The following PCDHGB5 variants were observed in gnomAD, a reference collection of about 807,000 sequenced individuals.
PCDHGB5 encodes protocadherin gamma-B5.
In PCDHGB5, 48 loss-of-function variants were observed where a neutral mutation model predicts 62.9. The ratio of observed to expected loss-of-function variants is 0.76; its 90% CI spans 0.61 to 0.97. The LOEUF (loss-of-function observed/expected upper bound fraction) is 0.97. Ranked by LOEUF, PCDHGB5 falls within the 50% of genes least tolerant of loss-of-function variation. PCDHGB5 has a pLI of 0.00. For synonymous variants in PCDHGB5, 474 were observed against 511.2 expected, an observed-to-expected ratio of 0.93 and a Z score of 0.98; for missense variants, 1,118 against 1,198.6, an observed-to-expected ratio of 0.93 and a Z score of 0.99.
intron 1 of PCDHGB5, chr5:141,417,768 C>T: frequency 6.9e-7 from 1 of 1,451,358 alleles, no homozygotes; most frequent in Non-Finnish European, 9.1e-7. Context: ...ACCCGGGACT[C>T]CTCCTGTCCT....
intron 1 of PCDHGB5, among the ~76,000 whole-genome samples, chr5:141,454,989 T>C (rs1460420144): frequency 6.6e-6 from 1 of 151,506 alleles, no homozygotes; most frequent in East Asian, 2.0e-4. Context: ...TTAAAAAATA[T>C]TTTTAGTAGA....
intron 3 of PCDHGB5, among the ~76,000 whole-genome samples, chr5:141,505,926 G>A (rs114056147): frequency 0.012 from 1,893 of 152,254 alleles, 12 homozygotes; most frequent in Middle Eastern, 0.034. Context: ...TGGGCCTGGC[G>A]CTTGGAAGCC....
At chr5:141,433,612 G>A (rs1181458593) in intron 1 of PCDHGB5, among the ~76,000 whole-genome samples, 1 of 152,082 alleles carries the variant, frequency 6.6e-6, no homozygotes, top group Non-Finnish European at 1.5e-5. Context: ...GAGGCGGGTG[G>A]ATCACCTGAG....
In PCDHGB5 at chr5:141,487,237, T is replaced by A. The variant is rs1327004790; in HGVS notation, c.2398-7570T>A. 1.2e-6 allele frequency: 2 copies of A among 1,614,122 alleles called. No individual in the cohort carries two copies. The highest frequency in any genetic ancestry group is 1.7e-6 in the Non-Finnish European group (2 of 1,179,980). On this transcript the variant is annotated intron_variant, in intron 1 of 3. Coordinates refer to ENST00000617380, the MANE Select transcript of PCDHGB5 (RefSeq NM_018925.3). This position sits in a 1 kb window ranked among gnomAD's most constrained non-coding sequence, Gnocchi z 5.0. ...CAGCTCCAAGGGAAGGAGAATCTCGTCTAACCCTCTACTTGGCTGTGTCCC... is the reference window on the plus strand; with the variant it reads ...CAGCTCCAAGGGAAGGAGAATCTCGACTAACCCTCTACTTGGCTGTGTCCC...
intron 1 of PCDHGB5, chr5:141,408,072 T>G (rs1047187961): frequency 1.7e-5 from 24 of 1,388,622 alleles, no homozygotes; most frequent in Middle Eastern, 2.6e-4. Flanking sequence ...CGCAGACCTT[T>G]CCCAGCACAG....
intron 1 of PCDHGB5, among the ~76,000 whole-genome samples, chr5:141,465,687 T>C (rs1290838979): frequency 1.3e-5 from 2 of 152,248 alleles, no homozygotes; most frequent in Non-Finnish European, 2.9e-5. Flanking sequence ...TTGACCAGTC[T>C]GCTTTTGCAT....
intron 1 of PCDHGB5, chr5:141,403,476 A>T: frequency 6.2e-7 from 1 of 1,613,972 alleles, no homozygotes; most frequent in Non-Finnish European, 8.5e-7. Flanking sequence ...CTCAGCCCCA[A>T]TCACCACTTC....
intron 3 of PCDHGB5, among the ~76,000 whole-genome samples, chr5:141,506,282 C>G (rs1422321122): frequency 6.6e-6 from 1 of 152,040 alleles, no homozygotes; most frequent in East Asian, 1.9e-4. Flanking sequence ...AACCCTGTCT[C>G]TACTAAAAAT....
rs746159671 is a variant in PCDHGB5, at chr5:141,399,684, G to A, written c.1557G>A (p.Glu519=). The A allele has an allele frequency of 2.4e-5, 38 of 1,613,538 alleles. 1 individual carries two copies. In the South Asian group the frequency reaches 4.2e-4, roughly 18 times the overall value. Residue 519 remains glutamate, a synonymous_variant, in exon 1 of 4, where the codon GAG becomes GAA. Transcript: ENST00000617380. ...VVFAQRAFDY[E]QLRTFELTLQ... is the part of the protein sequence containing the mutation. ...TCGCGCAGCGCGCCTTTGACTACGAGCAGCTGCGCACCTTCGAACTCACAC... is the reference window on the plus strand; with the variant it reads ...TCGCGCAGCGCGCCTTTGACTACGAACAGCTGCGCACCTTCGAACTCACAC...
intron 1 of PCDHGB5, chr5:141,413,019 C>T (rs1056458163): frequency 2.9e-6 from 2 of 683,106 alleles, no homozygotes; most frequent in Non-Finnish European, 4.7e-6. Flanking sequence ...ACTACACAAG[C>T]CCCACAAACC....
rs2099883943 is a variant in PCDHGB5, at chr5:141,511,766, G to A, written c.*593G>A. ...TGGAGGACATGATCACCATCCCCAT[G>A]GTACTGATGCTTGCTGGATTTAGGG... On this transcript the variant is annotated 3_prime_UTR_variant, in exon 4 of 4. Coordinates refer to ENST00000617380, the MANE Select transcript of PCDHGB5 (RefSeq NM_018925.3). 2 of 161,712 alleles carry A rather than the reference G, an allele frequency of 1.2e-5. No homozygotes were observed. Among genetic ancestry groups the A allele is most frequent in the Non-Finnish European group, 2.8e-5 (2 of 72,704 alleles). The allele number at this position is 161,712 out of a possible 1,614,324, so 10.0% of individuals were successfully genotyped here.
Position 141,399,723 on chromosome 5 carries a change from C to T in PCDHGB5, c.1596C>T (p.Asp532=). 1 of 1,613,322 alleles carries T rather than the reference C, an allele frequency of 6.2e-7. No individual in the cohort carries two copies. Among genetic ancestry groups the T allele is most frequent in the Non-Finnish European group, 8.5e-7 (1 of 1,179,880 alleles). The change falls in exon 1 of 4, where the codon GAC becomes GAT. Residue 532 remains aspartate, a synonymous_variant. Coordinates refer to ENST00000617380, the MANE Select transcript of PCDHGB5 (RefSeq NM_018925.3). ...TCGAACTCACACTACAGGCCCGCGA[C>T]CAGGGCTCGCCTGCGCTCAGCGCAA... is the stretch of plus-strand genomic sequence containing the variant. ...RTFELTLQAR[D]QGSPALSANV...
At chr5:141,419,253 A>G in intron 1 of PCDHGB5, 4 of 1,613,990 alleles carry the variant, frequency 2.5e-6, no homozygotes, top group South Asian at 1.1e-5. Flanking sequence ...CCAGAAAACA[A>G]CCAGCCGGGT....
Position 141,491,627 on chromosome 5 carries a change from A to C in PCDHGB5, c.2398-3180A>C. On this transcript the variant is annotated intron_variant, in intron 1 of 3. Transcript: ENST00000617380. The surrounding 1 kb of genome is among the most constrained non-coding windows in gnomAD (Gnocchi z 6.9). ...ACTTTTCTAAGACCCCTCAGCGTTC[A>C]GCAGCCCACAGCTCTGGCGCTGGAG... 6.2e-7 allele frequency: 1 copy of C among 1,613,924 alleles called. No homozygotes were observed. The highest frequency in any genetic ancestry group is 8.5e-7 in the Non-Finnish European group (1 of 1,180,026).
chr5:141,408,249 T>A, intron 1 of PCDHGB5: 1 of 1,589,992 alleles, frequency 6.3e-7, no homozygotes, highest in Non-Finnish European at 8.6e-7. Flanking sequence ...CCGCGGCAGG[T>A]GCTATTTCCT....
rs751905674 is a variant in PCDHGB5, at chr5:141,408,643, C to A, written c.2397+8119C>A. On this transcript the variant is annotated intron_variant, in intron 1 of 3. Coordinates refer to ENST00000617380, the MANE Select transcript of PCDHGB5 (RefSeq NM_018925.3). ...ATTTAGAAATTTTCGAATCTGCATCCGCTGGTACACGACTATCGCTTGACC... is the reference window on the plus strand; with the variant it reads ...ATTTAGAAATTTTCGAATCTGCATCAGCTGGTACACGACTATCGCTTGACC... 13 of 1,613,792 alleles carry A rather than the reference C, an allele frequency of 8.1e-6. No homozygotes were observed. The African/African-American group carries it at 1.6e-4, about 20-fold the overall frequency.
At chr5:141,465,229 A>G (rs1010075158) in intron 1 of PCDHGB5, among the ~76,000 whole-genome samples, 6 of 152,208 alleles carry the variant, frequency 3.9e-5, no homozygotes, top group Non-Finnish European at 2.9e-5. Flanking sequence ...CATGAGCTCC[A>G]TCAAGTTCAA....
At chr5:141,423,006 T>G (rs746057587) in intron 1 of PCDHGB5, 12 of 1,614,078 alleles carry the variant, frequency 7.4e-6, no homozygotes, top group African/African-American at 1.3e-5. Context: ...CCAAGGTGGT[T>G]GCGGTGGACA....
chr5:141,426,882 C>T, intron 1 of PCDHGB5: 1 of 456,664 alleles, frequency 2.2e-6, no homozygotes, highest in South Asian at 1.5e-5. Flanking sequence ...GCCCCTGGGC[C>T]AGGAGCAACA....
Sources: gnomAD v4.1 joint callset for allele counts (sites outside exome capture counted in the v4.1 genomes callset) on GRCh38, gnomAD v4.1.1 for gene constraint, Gnocchi (gnomAD v3.1) non-coding constraint, MANE v1.5 for transcripts, NCBI Gene and HGNC (gene_info 2026-07-23, HGNC 2026-07-21) for gene names.